Variants in RAPGEF2 observed in about 807,000 individuals in gnomAD.
The protein encoded by RAPGEF2 is PDZ domain containing guanine nucleotide exchange factor (GEF) 1.
In RAPGEF2, 54 loss-of-function variants were observed where a neutral mutation model predicts 186.7. That is an observed-to-expected ratio of 0.29 (90% CI 0.23 to 0.36). The LOEUF is 0.36. Among genes scored for constraint, RAPGEF2 ranks in the 10% least tolerant of loss-of-function variants. The pLI, the probability that RAPGEF2 is intolerant of heterozygous loss-of-function variation, is 1.00. For missense variants in RAPGEF2, 1,532 were observed against 2,045.0 expected (o/e 0.75, Z 4.84); for synonymous variants, 712 against 705.9 (o/e 1.01, Z -0.14).
At chr4:159,214,169 CAG>C (rs1403819345) in intron 4 of RAPGEF2, among the ~76,000 whole-genome samples, 24 of 152,070 alleles carry the variant, frequency 1.6e-4, no homozygotes, top group African/African-American at 5.3e-4. Flanking sequence ...AATATAGAAA[CAG>C]AGCAAACTGT....
intron 24 of RAPGEF2, 78 bp downstream of exon 24, chr4:159,345,407 C>T: frequency 6.8e-6 from 9 of 1,319,514 alleles, no homozygotes; most frequent in South Asian, 3.7e-5. Context: ...TGGGCAGTGA[C>T]AAAATAAGGC....
intron 4 of RAPGEF2, among the ~76,000 whole-genome samples, chr4:159,216,124 T>C (rs574619684): frequency 1.3e-5 from 2 of 152,226 alleles, no homozygotes; most frequent in Non-Finnish European, 2.9e-5. Context: ...TTTTAAAACA[T>C]TAATTGAAAC....
intron 1 of RAPGEF2, among the ~76,000 whole-genome samples, chr4:159,126,125 C>A (rs918345462): frequency 6.6e-6 from 1 of 152,130 alleles, no homozygotes. Context: ...TGATTATCCT[C>A]AATTTTTATG....
chr4:159,160,764 T>C (rs1224727041), intron 1 of RAPGEF2, among the ~76,000 whole-genome samples: 1 of 152,236 alleles, frequency 6.6e-6, no homozygotes, highest in Non-Finnish European at 1.5e-5. Context: ...GTGCATGCTC[T>C]ATTCACCTAT....
intron 3 of RAPGEF2, among the ~76,000 whole-genome samples, chr4:159,210,017 CAAA>C (rs1276900770): frequency 6.6e-6 from 1 of 151,958 alleles, no homozygotes; most frequent in African/African-American, 2.4e-5. Context: ...TTTTCTGTAA[CAAA>C]GAAGAAAGAT....
intron 1 of RAPGEF2, among the ~76,000 whole-genome samples, chr4:159,176,126 G>A (rs528640949): frequency 1.3e-5 from 2 of 152,318 alleles, no homozygotes; most frequent in African/African-American, 2.4e-5. Flanking sequence ...GAGCAGAGGA[G>A]GATGGAAGAG....
At chr4:159,247,871 TC>T in intron 7 of RAPGEF2, among the ~76,000 whole-genome samples, 1 of 146,804 alleles carries the variant, frequency 6.8e-6, no homozygotes, top group Non-Finnish European at 1.5e-5. Context: ...CCAGCGATTC[TC>T]CTGCCTCAGC....
rs145606172 is a variant in RAPGEF2 at position 159,165,470 on chromosome 4, T to C, written c.70-21172T>C. 2.7e-3 allele frequency among the ~76,000 whole-genome samples: 412 copies of C among 152,352 alleles called. 1 individual carries two copies. The highest frequency in any genetic ancestry group is 9.3e-3 in the African/African-American group (385 of 41,586). On this transcript the variant is annotated intron_variant, in intron 1 of 29. Coordinates refer to ENST00000691494, the MANE Select transcript of RAPGEF2 (RefSeq NM_001394067.2). ...ATCTATATATCTCTATCTGTATACATAAATATAATTAAATGTGTCTTCTCT... is the reference window on the plus strand; with the variant it reads ...ATCTATATATCTCTATCTGTATACACAAATATAATTAAATGTGTCTTCTCT...
At chr4:159,125,845 A>G (rs1184247731) in intron 1 of RAPGEF2, among the ~76,000 whole-genome samples, 2 of 152,104 alleles carry the variant, frequency 1.3e-5, no homozygotes, top group Non-Finnish European at 2.9e-5. Flanking sequence ...AGGCTGTTCC[A>G]ATTGGATTTT....
At chr4:159,316,597 C>G (rs1188287355) in intron 9 of RAPGEF2, among the ~76,000 whole-genome samples, 2 of 152,156 alleles carry the variant, frequency 1.3e-5, no homozygotes, top group Non-Finnish European at 2.9e-5. Flanking sequence ...TGTTAGTTTG[C>G]TAAGGATAAT....
intron 7 of RAPGEF2, among the ~76,000 whole-genome samples, chr4:159,256,730 C>T (rs1258638745): frequency 1.3e-5 from 2 of 152,076 alleles, no homozygotes; most frequent in African/African-American, 2.4e-5. Context: ...TTTTTAATAA[C>T]AGCTATTCTG....
intron 24 of RAPGEF2, 85 bp from the exon 25 acceptor site, chr4:159,346,704 G>T (rs1580040582): frequency 1.8e-6 from 2 of 1,134,894 alleles, no homozygotes; most frequent in East Asian, 4.7e-5. Context: ...TGCAGAAAAT[G>T]CTCACACAGT....
intron 1 of RAPGEF2, among the ~76,000 whole-genome samples, chr4:159,139,342 T>G (rs1010956874): frequency 1.1e-4 from 16 of 152,332 alleles, no homozygotes; most frequent in Non-Finnish European, 1.9e-4. Context: ...GTGTTTCCAT[T>G]AAAAGGATTG....
At chr4:159,113,100 G>T (rs9307984) in intron 1 of RAPGEF2, among the ~76,000 whole-genome samples, 1,667 of 152,256 alleles carry the variant, frequency 0.011, 32 homozygotes, top group African/African-American at 0.038. Context: ...AGTATTGAGG[G>T]TGTGGAAGAT....
intron 26 of RAPGEF2, among the ~76,000 whole-genome samples, chr4:159,351,835 C>T (rs891190283): frequency 1.3e-5 from 2 of 152,078 alleles, no homozygotes; most frequent in African/African-American, 4.8e-5. Flanking sequence ...CCTGTAATCC[C>T]AGCCACTCGG....
intron 1 of RAPGEF2, among the ~76,000 whole-genome samples, chr4:159,131,330 G>C (rs982903531): frequency 6.6e-6 from 1 of 151,648 alleles, no homozygotes; most frequent in Non-Finnish European, 1.5e-5. Context: ...GGCTGGTCTC[G>C]AACTCCCAAC....
intron 7 of RAPGEF2, among the ~76,000 whole-genome samples, chr4:159,258,854 G>T (rs1262947185): frequency 3.3e-5 from 5 of 152,116 alleles, no homozygotes; most frequent in African/African-American, 1.2e-4. Context: ...GCTTTAACAG[G>T]TCTATACAAG....
chr4:159,346,325 C>T (rs1282332911), intron 24 of RAPGEF2, among the ~76,000 whole-genome samples: 1 of 152,020 alleles, frequency 6.6e-6, no homozygotes, highest in Non-Finnish European at 1.5e-5. Flanking sequence ...ATTCTACCTC[C>T]TAGGAATATG....
intron 7 of RAPGEF2, among the ~76,000 whole-genome samples, chr4:159,276,940 A>T (rs1758964030): frequency 6.6e-6 from 1 of 152,078 alleles, no homozygotes; most frequent in South Asian, 2.1e-4. Flanking sequence ...AATTATTATT[A>T]TACTTTAAGT....
Sources: allele counts gnomAD v4.1 joint callset (sites outside exome capture counted in the v4.1 genomes callset), GRCh38; gene constraint gnomAD v4.1.1; transcripts MANE v1.5; gene names NCBI Gene and HGNC (gene_info 2026-07-23, HGNC 2026-07-21).